The following ABR variants were observed in gnomAD, a reference collection of about 807,000 sequenced individuals.
ABR encodes ABR activator of RhoGEF and GTPase.
Under a neutral mutation model 107.2 loss-of-function variants are expected in ABR, and 35 were observed. The observed-to-expected ratio is 0.33, with a 90% CI of 0.25 to 0.43. The LOEUF is 0.43. Among genes scored for constraint, ABR ranks in the 20% least tolerant of loss-of-function variants. ABR has a pLI of 1.00. For missense variants in ABR, 815 were observed against 1,115.2 expected, an observed-to-expected ratio of 0.73 and a Z score of 3.83; for synonymous variants, 498 against 462.0, an observed-to-expected ratio of 1.08 and a Z score of -1.00.
intron 12 of ABR, among the ~76,000 whole-genome samples, chr17:1,057,308 TTG>T (rs750525310): frequency 0.021 from 1,424 of 67,652 alleles, 21 homozygotes; most frequent in Non-Finnish European, 0.031. Flanking sequence ...CTGAAGAGGT[TTG>T]TGTGTGTGTG....
intron 2 of ABR, among the ~76,000 whole-genome samples, chr17:1,122,668 G>T (rs2151441129): frequency 6.6e-6 from 1 of 152,158 alleles, no homozygotes; most frequent in East Asian, 1.9e-4. Flanking sequence ...GGCTGTCCTG[G>T]GTCTCCAGCT....
chr17:1,035,878 C>T (rs933644400), intron 16 of ABR, among the ~76,000 whole-genome samples: 13 of 150,872 alleles, frequency 8.6e-5, no homozygotes, highest in Non-Finnish European at 1.3e-4. Flanking sequence ...TCATGCCACC[C>T]AGCACAGCTG....
intron 1 of ABR, among the ~76,000 whole-genome samples, chr17:1,223,299 G>A (rs1310479332): frequency 2.6e-5 from 2 of 78,252 alleles, no homozygotes; most frequent in Non-Finnish European, 5.4e-5. Flanking sequence ...CAAAAAATCA[G>A]TAACAACACA....
At chr17:1,077,049 C>T (rs1047885121) in intron 6 of ABR, among the ~76,000 whole-genome samples, 13 of 152,222 alleles carry the variant, frequency 8.5e-5, no homozygotes, top group South Asian at 4.1e-4. Context: ...GTGATTAAAA[C>T]GGGAAGCAAT....
intron 3 of ABR, 34 bp from the exon 4 acceptor site, chr17:1,091,884 G>A (rs760513304): frequency 2.6e-5 from 41 of 1,589,482 alleles, no homozygotes; most frequent in Admixed American, 1.0e-4. Context: ...AGCAGAGGTC[G>A]GGGGTAAACA....
At chr17:1,108,223 C>T (rs2038390361) in intron 2 of ABR, among the ~76,000 whole-genome samples, 1 of 152,240 alleles carries the variant, frequency 6.6e-6, no homozygotes, top group African/African-American at 2.4e-5. Flanking sequence ...TGTGGTGTGC[C>T]GGGCCAGACT....
At chr17:1,180,356 G>GC (rs1157364536), upstream of ABR, among the ~76,000 whole-genome samples, 1 of 152,152 alleles carries the variant, frequency 6.6e-6, no homozygotes, top group African/African-American at 2.4e-5. Context: ...CGGCGGCCGG[G>GC]CCCCTCCCCA....
chr17:1,023,708 G>A (rs542789981), intron 16 of ABR, among the ~76,000 whole-genome samples: 18 of 152,288 alleles, frequency 1.2e-4, no homozygotes, highest in South Asian at 4.1e-4. Context: ...CTGAAGCCTC[G>A]AGCTGGACCT....
chr17:1,044,244 TG>T (rs972488525), intron 16 of ABR, among the ~76,000 whole-genome samples: 1 of 152,196 alleles, frequency 6.6e-6, no homozygotes, highest in African/African-American at 2.4e-5. Flanking sequence ...TCCCTGAGTC[TG>T]GGGCCCTTGT....
chr17:1,173,410 C>T (rs1049708339), intron 1 of ABR, among the ~76,000 whole-genome samples: 1 of 150,224 alleles, frequency 6.7e-6, no homozygotes, highest in African/African-American at 2.5e-5. Context: ...CCACCAAGGG[C>T]CTGGCAGGGG....
intron 2 of ABR, among the ~76,000 whole-genome samples, chr17:1,122,217 T>A (rs1481355074): frequency 6.6e-6 from 1 of 152,184 alleles, no homozygotes; most frequent in African/African-American, 2.4e-5. Context: ...AGTAATAGAT[T>A]TTCATCTGCG....
chr17:1,105,265 C>G (rs2038169160), intron 2 of ABR, among the ~76,000 whole-genome samples: 1 of 152,044 alleles, frequency 6.6e-6, no homozygotes, highest in Non-Finnish European at 1.5e-5. Flanking sequence ...GCCCAGTCTC[C>G]CAAAGTGCTG....
At chr17:1,031,664 G>A in intron 16 of ABR, 2 of 1,256,570 alleles carry the variant, frequency 1.6e-6, no homozygotes, top group South Asian at 2.9e-5. Flanking sequence ...GGGGGCGCTT[G>A]CTCCCCGACT....
At chr17:1,061,272 G>A (rs1367838812) in intron 10 of ABR, among the ~76,000 whole-genome samples, 1 of 152,204 alleles carries the variant, frequency 6.6e-6, no homozygotes, top group African/African-American at 2.4e-5. Context: ...TCCCAGGGGC[G>A]GGTGGGAAAC....
At chr17:1,088,852 G>C (rs914659172) in intron 4 of ABR, among the ~76,000 whole-genome samples, 5 of 149,484 alleles carry the variant, frequency 3.3e-5, no homozygotes, top group African/African-American at 1.2e-4. Flanking sequence ...GCCTCCCAAA[G>C]TGTTGCTGGG....
At chr17:1,085,110 CTTTT>C (rs1230702293) in intron 4 of ABR, among the ~76,000 whole-genome samples, 3 of 126,124 alleles carry the variant, frequency 2.4e-5, no homozygotes, top group Non-Finnish European at 1.6e-5. Flanking sequence ...CCAATTAAAA[CTTTT>C]TTTTTTTTTT....
chr17:1,072,830 C>T, intron 7 of ABR, 76 bp from the exon 8 acceptor site: 3 of 1,527,570 alleles, frequency 2.0e-6, no homozygotes, highest in Non-Finnish European at 2.6e-6. Context: ...GTGCTCAGTC[C>T]CCATCCAAAG....
intron 1 of ABR, among the ~76,000 whole-genome samples, chr17:1,171,779 A>C (rs2041719953): frequency 6.6e-6 from 1 of 152,130 alleles, no homozygotes; most frequent in East Asian, 1.9e-4. Context: ...TAAAAATACA[A>C]AATTAGCCGG....
intron 1 of ABR, among the ~76,000 whole-genome samples, chr17:1,205,416 T>C (rs996752290): frequency 6.6e-6 from 1 of 152,200 alleles, no homozygotes; most frequent in Non-Finnish European, 1.5e-5. Context: ...CAGCCTGTTC[T>C]GTAGGCTCCT....
Sources: allele counts gnomAD v4.1 joint callset (sites outside exome capture counted in the v4.1 genomes callset), GRCh38; gene constraint gnomAD v4.1.1; transcripts MANE v1.5; gene names NCBI Gene and HGNC (gene_info 2026-07-23, HGNC 2026-07-21).